The following SIPA1L2 variants were observed in gnomAD, a reference collection of about 807,000 sequenced individuals.
SIPA1L2 encodes signal-induced proliferation-associated 1-like protein 2.
Under a neutral mutation model 163.9 loss-of-function variants are expected in SIPA1L2, and 56 were observed. The ratio of observed to expected loss-of-function variants is 0.34; its 90% CI spans 0.28 to 0.43. The LOEUF is 0.43. Among genes scored for constraint, SIPA1L2 ranks in the 20% least tolerant of loss-of-function variants. The pLI is 1.00. For synonymous variants in SIPA1L2, 877 were observed against 865.7 expected, an observed-to-expected ratio of 1.01 and a Z score of -0.23; for missense variants, 1,974 against 2,193.5, an observed-to-expected ratio of 0.90 and a Z score of 2.00.
chr1:232,486,573 T>C lies in SIPA1L2; in HGVS notation c.1807-2607A>G, dbSNP rs533755241. The stretch of plus-strand genomic sequence containing the variant: ...TGCTACACACATGGAGTGACACAAG[T>C]TTACCACTCACAGGTATTTGCCAGT... On this transcript the variant is annotated intron_variant, in intron 5 of 22. Transcript: ENST00000674635. Among the ~76,000 whole-genome samples the C allele has an allele frequency of 1.1e-3, 171 of 152,268 alleles. 1 individual carries two copies. Among genetic ancestry groups the C allele is most frequent in the African/African-American group, 3.7e-3 (152 of 41,562 alleles).
chr1:232,579,273 T>G (rs1660240563), intron 1 of SIPA1L2, among the ~76,000 whole-genome samples: 1 of 148,112 alleles, frequency 6.8e-6, no homozygotes. Flanking sequence ...TTTGCTAGTA[T>G]CTGGGGAAAG....
intron 2 of SIPA1L2, among the ~76,000 whole-genome samples, chr1:232,563,542 T>C (rs1166003185): frequency 1.3e-5 from 2 of 152,198 alleles, no homozygotes; most frequent in Non-Finnish European, 2.9e-5. Flanking sequence ...TAATAATTAT[T>C]GAATATGGCT....
At chr1:232,608,231 A>T (rs548553246) in intron 1 of SIPA1L2, among the ~76,000 whole-genome samples, 3 of 152,190 alleles carry the variant, frequency 2.0e-5, no homozygotes, top group Admixed American at 6.5e-5. Context: ...TATTTTTAGT[A>T]GAGACAGGGT....
At chr1:232,603,517 G>C (rs1661720311) in intron 1 of SIPA1L2, among the ~76,000 whole-genome samples, 1 of 152,146 alleles carries the variant, frequency 6.6e-6, no homozygotes, top group African/African-American at 2.4e-5. Flanking sequence ...AGGGTCAAGA[G>C]GAGCGGAAAG....
intron 7 of SIPA1L2, among the ~76,000 whole-genome samples, chr1:232,471,742 T>C (rs1313678296): frequency 6.6e-6 from 1 of 152,326 alleles, no homozygotes; most frequent in East Asian, 1.9e-4. Flanking sequence ...GTTTATCTCT[T>C]TTATTTTAAA....
At chr1:232,614,484 G>C (rs1662403684) in intron 1 of SIPA1L2, among the ~76,000 whole-genome samples, 1 of 152,110 alleles carries the variant, frequency 6.6e-6, no homozygotes, top group African/African-American at 2.4e-5. Flanking sequence ...GATGTAAAAA[G>C]AATTCCCAAA....
At chr1:232,458,670 T>G (rs918429065) in intron 10 of SIPA1L2, among the ~76,000 whole-genome samples, 1 of 152,204 alleles carries the variant, frequency 6.6e-6, no homozygotes, top group Non-Finnish European at 1.5e-5. Flanking sequence ...AAAGACTGAT[T>G]CTTATCTTAA....
chr1:232,582,316 C>A (rs554182010), intron 1 of SIPA1L2, among the ~76,000 whole-genome samples: 19 of 152,228 alleles, frequency 1.2e-4, no homozygotes, highest in Non-Finnish European at 2.4e-4. Context: ...TCCCTCCCTT[C>A]CTCCCTCTAC....
chr1:232,584,845 T>G (rs1176904921), intron 1 of SIPA1L2, among the ~76,000 whole-genome samples: 1 of 152,216 alleles, frequency 6.6e-6, no homozygotes, highest in Non-Finnish European at 1.5e-5. Flanking sequence ...TTGTAGAAAT[T>G]TGTCTGCAAT....
At chr1:232,508,172 C>G (rs967029038) in intron 3 of SIPA1L2, among the ~76,000 whole-genome samples, 3 of 152,154 alleles carry the variant, frequency 2.0e-5, no homozygotes, top group African/African-American at 7.2e-5. Flanking sequence ...ACAACGTTCC[C>G]GAAGGCTCAG....
intron 8 of SIPA1L2, among the ~76,000 whole-genome samples, chr1:232,467,436 G>T (rs1286390499): frequency 6.6e-6 from 1 of 152,134 alleles, no homozygotes; most frequent in Non-Finnish European, 1.5e-5. Context: ...ACCATCCTCA[G>T]GATGGCCATT....
intron 18 of SIPA1L2, among the ~76,000 whole-genome samples, chr1:232,417,180 C>A (rs920620514): frequency 5.9e-5 from 9 of 152,178 alleles, no homozygotes; most frequent in Non-Finnish European, 1.3e-4. Flanking sequence ...GGCATCTGGA[C>A]TAAGACAGCT....
intron 2 of SIPA1L2, among the ~76,000 whole-genome samples, chr1:232,553,672 C>A (rs1218395521): frequency 6.6e-6 from 1 of 152,126 alleles, no homozygotes; most frequent in Non-Finnish European, 1.5e-5. Flanking sequence ...TATACTCTTA[C>A]CCCTGAGCGT....
chr1:232,474,894 T>C (rs959207129), intron 7 of SIPA1L2, among the ~76,000 whole-genome samples: 1 of 152,208 alleles, frequency 6.6e-6, no homozygotes, highest in African/African-American at 2.4e-5. Context: ...CCTCTATGTA[T>C]ATGGGTTCAT....
intron 18 of SIPA1L2, among the ~76,000 whole-genome samples, chr1:232,419,170 T>C (rs976436317): frequency 6.6e-5 from 10 of 152,126 alleles, no homozygotes; most frequent in African/African-American, 2.2e-4. Flanking sequence ...ATGAAGAGCA[T>C]AGTTTAGGAA....
intron 2 of SIPA1L2, among the ~76,000 whole-genome samples, chr1:232,534,292 G>C (rs949623629): frequency 1.3e-5 from 2 of 152,164 alleles, no homozygotes; most frequent in African/African-American, 4.8e-5. Flanking sequence ...ATGGGGAAAG[G>C]ACAGTCTTTT....
intron 1 of SIPA1L2, among the ~76,000 whole-genome samples, chr1:232,606,378 C>T (rs752457621): frequency 4.7e-4 from 72 of 152,056 alleles, no homozygotes; most frequent in African/African-American, 1.2e-3. Context: ...ACCAAAGGGC[C>T]GGCAATTATA....
rs1257428882 is a variant in SIPA1L2 at position 232,403,488 on chromosome 1, C to T, written c.4900G>A (p.Val1634Ile). The T allele has an allele frequency of 1.7e-5, 28 of 1,614,106 alleles. No homozygotes were observed. Among genetic ancestry groups the T allele is most frequent in the Non-Finnish European group, 2.3e-5 (27 of 1,179,970 alleles). Residue 1634 changes from valine to isoleucine, a missense_variant, in exon 21 of 23, where the codon GTA (valine) becomes ATA (isoleucine). Around this residue, in one of 3 missense-constraint regions of SIPA1L2, gnomAD observed 1,079 missense variants for 1,150.7 expected, o/e 0.94. Transcript: ENST00000674635. ...AACTCTTTGCCACTGCCTGGATCTA[C>T]ACATAAGGGCAGCTCTTGGGCCCCT... ...LEGAQELPLC[V>I]DPGSGKEFMD...
chr1:232,588,828 A>G (rs577127515), intron 1 of SIPA1L2, among the ~76,000 whole-genome samples: 70 of 152,352 alleles, frequency 4.6e-4, no homozygotes, highest in African/African-American at 1.6e-3. Flanking sequence ...ATACTTCTCA[A>G]TAAGTGTCTT....
Sources: gnomAD v4.1 joint callset for allele counts (sites outside exome capture counted in the v4.1 genomes callset) on GRCh38, gnomAD v4.1.1 for gene constraint, gnomAD v4.1.1 regional missense constraint, MANE v1.5 for transcripts, NCBI Gene and HGNC (gene_info 2026-07-23, HGNC 2026-07-21) for gene names.